The following DLG2 variants were observed in gnomAD, a reference collection of about 807,000 sequenced individuals.
DLG2 encodes the protein discs large MAGUK scaffold protein 2.
Under a neutral mutation model 132.5 loss-of-function variants are expected in DLG2, and 45 were observed. The observed-to-expected ratio is 0.34, with a 90% CI of 0.27 to 0.44. DLG2 has a LOEUF of 0.44. Among genes scored for constraint, DLG2 ranks in the 20% least tolerant of loss-of-function variants. The pLI is 1.00. For synonymous variants in DLG2, 424 were observed against 419.6 expected (o/e 1.01, Z -0.13); for missense variants, 1,045 against 1,196.9 (o/e 0.87, Z 1.87).
At chr11:83,792,862 G>A (rs996995396) in intron 17 of DLG2, among the ~76,000 whole-genome samples, 14 of 152,040 alleles carry the variant, frequency 9.2e-5, no homozygotes, top group East Asian at 1.9e-4. Context: ...GATAGGTATC[G>A]CCAGACTGCC....
chr11:85,279,429 TC>T (rs2078097211), intron 4 of DLG2, among the ~76,000 whole-genome samples: 1 of 152,132 alleles, frequency 6.6e-6, no homozygotes, highest in Admixed American at 6.6e-5. Context: ...GTTTCATCAT[TC>T]CTTTCAAGGG....
chr11:84,964,877 T>A (rs2053109291), intron 6 of DLG2, among the ~76,000 whole-genome samples: 1 of 152,074 alleles, frequency 6.6e-6, no homozygotes, highest in Non-Finnish European at 1.5e-5. Flanking sequence ...AACAGTATGA[T>A]AGATATGTGA....
intron 6 of DLG2, among the ~76,000 whole-genome samples, chr11:84,898,770 A>G (rs2090520657): frequency 6.6e-6 from 1 of 151,920 alleles, no homozygotes; most frequent in African/African-American, 2.4e-5. Context: ...AAAACTATCT[A>G]GCTATCTTCC....
chr11:84,640,244 G>T, intron 6 of DLG2: 1 of 311,464 alleles, frequency 3.2e-6, no homozygotes, highest in Non-Finnish European at 6.3e-6. Context: ...TGTTAACAGT[G>T]GGCTTCCATT....
chr11:85,616,756 G>T (rs1258480023), intron 2 of DLG2, among the ~76,000 whole-genome samples: 1 of 152,142 alleles, frequency 6.6e-6, no homozygotes, highest in Non-Finnish European at 1.5e-5. Flanking sequence ...AGGGATCAGG[G>T]ATCTAGGCTC....
intron 10 of DLG2, among the ~76,000 whole-genome samples, chr11:84,080,308 C>G (rs937099692): frequency 2.6e-5 from 4 of 152,180 alleles, no homozygotes; most frequent in Non-Finnish European, 5.9e-5. Context: ...AATCAGCTTA[C>G]TCAAGATCTA....
intron 11 of DLG2, among the ~76,000 whole-genome samples, chr11:83,999,445 C>T (rs1601091): frequency 0.63 from 95,295 of 151,896 alleles, 32,875 homozygotes; most frequent in Non-Finnish European, 0.78. Flanking sequence ...ACCACTATCA[C>T]TGCCATTGTC....
At chr11:85,108,842 G>T (rs1053445538) in intron 6 of DLG2, among the ~76,000 whole-genome samples, 2 of 151,996 alleles carry the variant, frequency 1.3e-5, no homozygotes, top group Admixed American at 6.6e-5. Flanking sequence ...CTAAATAATT[G>T]AGAAAGAAGT....
At chr11:83,699,018 GT>G (rs1378115835) in intron 18 of DLG2, among the ~76,000 whole-genome samples, 1 of 152,020 alleles carries the variant, frequency 6.6e-6, no homozygotes, top group Non-Finnish European at 1.5e-5. Flanking sequence ...AAAAAAAATA[GT>G]TCTGAATATA....
chr11:84,789,429 TGG>T (rs2073456073), intron 6 of DLG2, among the ~76,000 whole-genome samples: 1 of 152,172 alleles, frequency 6.6e-6, no homozygotes, highest in South Asian at 2.1e-4. Context: ...TTATTTTTTG[TGG>T]GTATATAGTA....
At chr11:83,626,924 G>C (rs2062635859) in intron 19 of DLG2, among the ~76,000 whole-genome samples, 1 of 152,120 alleles carries the variant, frequency 6.6e-6, no homozygotes, top group African/African-American at 2.4e-5. Flanking sequence ...ATGGGGTCCA[G>C]AGGAGCAAAA....
chr11:85,445,450 G>T (rs1057229373), intron 3 of DLG2, among the ~76,000 whole-genome samples: 14 of 152,140 alleles, frequency 9.2e-5, no homozygotes, highest in Admixed American at 3.9e-4. Flanking sequence ...GGCCAAGGTG[G>T]GTGGATCACC....
At chr11:83,519,439 A>C (rs186904773) in intron 21 of DLG2, among the ~76,000 whole-genome samples, 2 of 152,328 alleles carry the variant, frequency 1.3e-5, no homozygotes, top group East Asian at 3.9e-4. Context: ...TAAGAGCTAT[A>C]AGGTATTTGC....
Position 84,256,016 on chromosome 11 carries a change from G to T in DLG2, c.520-4725C>A, listed in dbSNP as rs79349855. ...GAAGGAATACTGATATAATTTAAAT[G>T]ATAGATCAAGTTATTAATGAATGTC... On this transcript the variant is annotated intron_variant, in intron 7 of 27. Coordinates refer to ENST00000376104, the MANE Select transcript of DLG2 (RefSeq NM_001142699.3). Among the ~76,000 whole-genome samples the T allele has an allele frequency of 8.8e-3, 1,332 of 152,118 alleles. 18 individuals carry two copies. Among genetic ancestry groups the T allele is most frequent in the African/African-American group, 0.029 (1,209 of 41,498 alleles).
intron 3 of DLG2, among the ~76,000 whole-genome samples, chr11:85,480,660 A>G (rs138604271): frequency 5.0e-4 from 76 of 152,352 alleles, no homozygotes; most frequent in Admixed American, 1.0e-3. Context: ...AGAACATTCA[A>G]TAATATAAAT....
intron 6 of DLG2, among the ~76,000 whole-genome samples, chr11:84,657,923 C>G (rs988408791): frequency 2.6e-5 from 4 of 152,170 alleles, no homozygotes; most frequent in African/African-American, 9.6e-5. Context: ...GCCCCACACC[C>G]TCCTCTCGAC....
At chr11:83,572,304 G>C (rs2096809745) in intron 19 of DLG2, among the ~76,000 whole-genome samples, 1 of 152,118 alleles carries the variant, frequency 6.6e-6, no homozygotes, top group Non-Finnish European at 1.5e-5. Context: ...ATGGCAAATA[G>C]AAACGGGAAT....
intron 6 of DLG2, among the ~76,000 whole-genome samples, chr11:84,859,436 GTATA>G (rs1168010897): frequency 5.1e-5 from 7 of 138,416 alleles, no homozygotes; most frequent in African/African-American, 1.9e-4. Context: ...ACATATATAT[GTATA>G]TATACATACA....
chr11:84,224,011 A>C (rs2096954543), intron 8 of DLG2, among the ~76,000 whole-genome samples: 1 of 152,196 alleles, frequency 6.6e-6, no homozygotes, highest in Admixed American at 6.5e-5. Context: ...TTAGGCCTCC[A>C]GGTTTATGGC....
Sources: gnomAD v4.1 joint callset for allele counts (sites outside exome capture counted in the v4.1 genomes callset) on GRCh38, gnomAD v4.1.1 for gene constraint, MANE v1.5 for transcripts, NCBI Gene and HGNC (gene_info 2026-07-23, HGNC 2026-07-21) for gene names.